The following ATXN7L1 variants were observed in gnomAD, a reference collection of about 807,000 sequenced individuals.
ATXN7L1 encodes ataxin-7-like protein 1.
Under a neutral mutation model 70.8 loss-of-function variants are expected in ATXN7L1, and 15 were observed. That is an observed-to-expected ratio of 0.21 (90% CI 0.14 to 0.33). ATXN7L1 has a LOEUF of 0.33. Ranked by LOEUF, ATXN7L1 falls within the 10% of genes least tolerant of loss-of-function variation. The probability of loss-of-function intolerance (pLI) is 1.00; values close to 1 mark genes in which losing one functional copy is unlikely to be tolerated. For synonymous variants in ATXN7L1, 440 were observed against 445.1 expected, an observed-to-expected ratio of 0.99 and a Z score of 0.14; for missense variants, 975 against 1,097.1, an observed-to-expected ratio of 0.89 and a Z score of 1.57.
intron 2 of ATXN7L1, among the ~76,000 whole-genome samples, chr7:105,814,724 C>T (rs1808943391): frequency 6.6e-6 from 1 of 152,140 alleles, no homozygotes; most frequent in Admixed American, 6.5e-5. Context: ...AGGGGATTGA[C>T]AGAGTTGCAA....
chr7:105,776,910 T>C (rs997642500), intron 3 of ATXN7L1, among the ~76,000 whole-genome samples: 15 of 152,134 alleles, frequency 9.9e-5, no homozygotes, highest in Non-Finnish European at 1.0e-4. Context: ...GCTGGGATTA[T>C]AGGCACGTGC....
At chr7:105,819,269 T>G (rs1424825164) in intron 2 of ATXN7L1, among the ~76,000 whole-genome samples, 1 of 152,092 alleles carries the variant, frequency 6.6e-6, no homozygotes, top group Non-Finnish European at 1.5e-5. Flanking sequence ...GGTTCACAAA[T>G]GGCATCTTGG....
intron 2 of ATXN7L1, among the ~76,000 whole-genome samples, chr7:105,874,039 C>T (rs1198975660): frequency 2.7e-5 from 4 of 149,922 alleles, no homozygotes; most frequent in African/African-American, 7.4e-5. Flanking sequence ...GCAGGAGAAT[C>T]GCTTGAACCC....
intron 3 of ATXN7L1, among the ~76,000 whole-genome samples, chr7:105,727,074 G>A (rs1795899893): frequency 1.3e-5 from 2 of 152,154 alleles, no homozygotes; most frequent in South Asian, 4.1e-4. Flanking sequence ...GTCCCATGCA[G>A]TCATATAATA....
chr7:105,846,889 C>T (rs79602321), intron 2 of ATXN7L1, among the ~76,000 whole-genome samples: 1,683 of 152,194 alleles, frequency 0.011, 31 homozygotes, highest in African/African-American at 0.039. Context: ...TCCATTTATA[C>T]GAAATGTTCA....
At chr7:105,848,412 T>C (rs1418918077) in intron 2 of ATXN7L1, among the ~76,000 whole-genome samples, 1 of 152,190 alleles carries the variant, frequency 6.6e-6, no homozygotes, top group African/African-American at 2.4e-5. Context: ...TAATCATGAA[T>C]GTGTGCAAAA....
At chr7:105,673,328 T>C (rs1804070871) in intron 3 of ATXN7L1, among the ~76,000 whole-genome samples, 1 of 152,242 alleles carries the variant, frequency 6.6e-6, no homozygotes, top group Non-Finnish European at 1.5e-5. Context: ...GGTGGCTCCC[T>C]GCACCATTTT....
At chr7:105,838,252 TG>T (rs369847765) in intron 2 of ATXN7L1, among the ~76,000 whole-genome samples, 31 of 152,088 alleles carry the variant, frequency 2.0e-4, no homozygotes, top group African/African-American at 7.5e-4. Context: ...CTTTTTTTGG[TG>T]GAAAATCAGA....
intron 11 of ATXN7L1, among the ~76,000 whole-genome samples, chr7:105,610,296 T>C (rs1041228188): frequency 1.3e-5 from 2 of 152,178 alleles, no homozygotes; most frequent in Non-Finnish European, 2.9e-5. Context: ...CCATAAAAGG[T>C]AGGGGCCAGT....
chr7:105,744,850 G>A (rs1798401445), intron 3 of ATXN7L1, among the ~76,000 whole-genome samples: 1 of 148,470 alleles, frequency 6.7e-6, no homozygotes, highest in Non-Finnish European at 1.5e-5. Context: ...CGATTCTCCT[G>A]CCTCAGCCTC....
Position 105,693,701 on chromosome 7 carries a change from TG to T in ATXN7L1, c.356-28414del, listed in dbSNP as rs142516842. 3.2e-3 allele frequency among the ~76,000 whole-genome samples: 483 copies of T among 152,280 alleles called. 2 individuals are homozygous for T. The highest frequency in any genetic ancestry group is 0.011 in the African/African-American group (459 of 41,548). On this transcript the variant is annotated intron_variant, in intron 3 of 11. Coordinates refer to ENST00000419735, the MANE Select transcript of ATXN7L1 (RefSeq NM_020725.2). ...TGTGACTGTGGGCCAGCTTCACCTT[TG>T]TTTTGGAGAGCAAAGGTTGCTCTTC...
intron 3 of ATXN7L1, among the ~76,000 whole-genome samples, chr7:105,740,501 C>A (rs1240394851): frequency 6.6e-6 from 1 of 152,128 alleles, no homozygotes; most frequent in East Asian, 1.9e-4. Context: ...ATACCAGTAT[C>A]CACTCCCAGA....
At chr7:105,620,649 C>T (rs1794779890) in intron 8 of ATXN7L1, among the ~76,000 whole-genome samples, 1 of 152,124 alleles carries the variant, frequency 6.6e-6, no homozygotes, top group Admixed American at 6.5e-5. Context: ...ATTGCCAGCA[C>T]TTTGGGAGGC....
Position 105,757,757 on chromosome 7 carries a change from AT to A in ATXN7L1, c.355+30846del, listed in dbSNP as rs5886368. Among the ~76,000 whole-genome samples the A allele has an allele frequency of 4.5e-3, 644 of 143,970 alleles. 2 individuals carry two copies. Among genetic ancestry groups the A allele is most frequent in the African/African-American group, 0.011 (446 of 39,408 alleles). 94.4% of individuals were successfully genotyped at this position (143,970 alleles called of 152,430 possible). On this transcript the variant is annotated intron_variant, in intron 3 of 11. Coordinates refer to ENST00000419735, the MANE Select transcript of ATXN7L1 (RefSeq NM_020725.2). ...AAAACCCCGCCTGGCTAATTTTGAC[AT>A]TTTTTTTTTTTTGTAGCAATAGGGT...
At chr7:105,768,733 G>C (rs1168563441) in intron 3 of ATXN7L1, among the ~76,000 whole-genome samples, 1 of 152,222 alleles carries the variant, frequency 6.6e-6, no homozygotes, top group Non-Finnish European at 1.5e-5. Context: ...GGGTAGACTA[G>C]AACCTACAAG....
intron 7 of ATXN7L1, among the ~76,000 whole-genome samples, chr7:105,630,832 G>T: frequency 6.6e-6 from 1 of 152,088 alleles, no homozygotes; most frequent in Non-Finnish European, 1.5e-5. Context: ...TATAGGAAAC[G>T]TGTACCTTCT....
At chr7:105,803,304 C>T (rs1004526253) in intron 2 of ATXN7L1, among the ~76,000 whole-genome samples, 2 of 152,350 alleles carry the variant, frequency 1.3e-5, no homozygotes, top group South Asian at 4.1e-4. Context: ...GGCCAAGGGC[C>T]CTTCTTCTCT....
At chr7:105,776,132 G>T (rs1034527794) in intron 3 of ATXN7L1, among the ~76,000 whole-genome samples, 4 of 152,132 alleles carry the variant, frequency 2.6e-5, no homozygotes, top group Admixed American at 1.3e-4. Flanking sequence ...TTTGTTACCC[G>T]AATTCTCCTC....
intron 2 of ATXN7L1, among the ~76,000 whole-genome samples, chr7:105,855,522 A>G (rs1213110053): frequency 6.6e-6 from 1 of 152,226 alleles, no homozygotes; most frequent in African/African-American, 2.4e-5. Context: ...CTTGAAATGC[A>G]GTGGTAGGAG....
Sources: gnomAD v4.1 joint callset for allele counts (sites outside exome capture counted in the v4.1 genomes callset) on GRCh38, gnomAD v4.1.1 for gene constraint, MANE v1.5 for transcripts, NCBI Gene and HGNC (gene_info 2026-07-23, HGNC 2026-07-21) for gene names.